Variants in GLIS3 observed in about 807,000 individuals in gnomAD.
The protein encoded by GLIS3 is GLIS family zinc finger 3, also known as zinc finger protein GLIS3.
A neutral mutation model predicts 78.6 loss-of-function variants in GLIS3; 53 were observed. That is an observed-to-expected ratio of 0.67 (90% CI 0.54 to 0.85). The LOEUF (loss-of-function observed/expected upper bound fraction) is 0.85, where lower values mean the gene tolerates loss of function less well. Among genes scored for constraint, GLIS3 ranks in the 40% least tolerant of loss-of-function variants. The pLI is 0.00. For synonymous variants in GLIS3, 684 were observed against 509.9 expected (o/e 1.34, Z -4.60); for missense variants, 1,703 against 1,231.1 (o/e 1.38, Z -5.74).
the GLIS3 span, among the ~76,000 whole-genome samples, chr9:4,370,778 A>T: frequency 1.3e-5 from 2 of 152,056 alleles, no homozygotes; most frequent in Admixed American, 1.3e-4. Context: ...TATGAAGTTC[A>T]CCCATTCTCA....
rs74747479 is a variant in GLIS3, at chr9:4,256,340, T to C, written c.388+29698A>G. ...TAAGTATGAAAGGTTAATGTTTTAA[T>C]ATTAAGTATGAAATGTTAATTTGCA... On this transcript the variant is annotated intron_variant, in intron 2 of 10. Transcript: ENST00000381971. Among the ~76,000 whole-genome samples, 1,178 of 152,330 alleles carry C rather than the reference T, an allele frequency of 7.7e-3. 16 individuals carry two copies. Among genetic ancestry groups the C allele is most frequent in the African/African-American group, 0.026 (1,083 of 41,578 alleles).
intron 2 of GLIS3, among the ~76,000 whole-genome samples, chr9:4,146,933 A>G (rs1187261830): frequency 2.6e-5 from 4 of 152,316 alleles, no homozygotes; most frequent in Non-Finnish European, 4.4e-5. Flanking sequence ...CTATCTTGCT[A>G]TTATTTCTCA....
At chr9:4,419,196 A>G in the GLIS3 span, among the ~76,000 whole-genome samples, 2 of 152,216 alleles carry the variant, frequency 1.3e-5, no homozygotes, top group South Asian at 2.1e-4. Flanking sequence ...TTCTGATTAC[A>G]TCAGGGAGAA....
chr9:4,026,638 T>C (rs148892661), intron 4 of GLIS3, among the ~76,000 whole-genome samples: 36 of 152,320 alleles, frequency 2.4e-4, no homozygotes, highest in African/African-American at 8.2e-4. Context: ...ACAGATCATT[T>C]TGTGATAAAT....
chr9:4,364,671 C>CTTATCTTT, the GLIS3 span, among the ~76,000 whole-genome samples: 2 of 137,682 alleles, frequency 1.5e-5, no homozygotes, highest in Admixed American at 1.5e-4. Context: ...TGAGATAATG[C>CTTATCTTT]TTATCTTTTT....
At chr9:4,288,767 T>C (rs1016287826) in intron 1 of GLIS3, among the ~76,000 whole-genome samples, 2 of 152,124 alleles carry the variant, frequency 1.3e-5, no homozygotes, top group African/African-American at 2.4e-5. Context: ...ATACTTAAAT[T>C]TTATTACTAA....
chr9:3,832,607 G>C (rs1391945513), intron 9 of GLIS3, among the ~76,000 whole-genome samples: 1 of 152,186 alleles, frequency 6.6e-6, no homozygotes, highest in East Asian at 1.9e-4. Flanking sequence ...TAGTTCCTTG[G>C]ACTGATCTTG....
chr9:4,317,346 C>T (rs1025962494), intron 2 of GLIS3, among the ~76,000 whole-genome samples: 1 of 152,122 alleles, frequency 6.6e-6, no homozygotes, highest in Admixed American at 6.5e-5. Flanking sequence ...AGTACTGATG[C>T]CTACCCTAAA....
chr9:4,018,639 A>G (rs891639420), intron 4 of GLIS3, among the ~76,000 whole-genome samples: 7 of 152,116 alleles, frequency 4.6e-5, no homozygotes, highest in Non-Finnish European at 1.0e-4. Flanking sequence ...TCAAAGGAGC[A>G]ATGGTTCTCA....
At chr9:4,001,611 C>G (rs540983558) in intron 4 of GLIS3, among the ~76,000 whole-genome samples, 9 of 152,238 alleles carry the variant, frequency 5.9e-5, no homozygotes, top group African/African-American at 1.9e-4. Context: ...GAAAAAAATT[C>G]CCAAGGAAGA....
At chr9:4,416,261 A>ATTT in the GLIS3 span, among the ~76,000 whole-genome samples, 3 of 147,072 alleles carry the variant, frequency 2.0e-5, no homozygotes, top group African/African-American at 5.0e-5. Flanking sequence ...TTAAAAAAAA[A>ATTT]AAAAAAAAAA....
intron 4 of GLIS3, among the ~76,000 whole-genome samples, chr9:3,990,619 T>A (rs1015898165): frequency 1.3e-5 from 2 of 152,138 alleles, no homozygotes; most frequent in African/African-American, 2.4e-5. Context: ...ATTGTGTGAA[T>A]CCCTACTTCT....
chr9:4,408,604 G>A, the GLIS3 span, among the ~76,000 whole-genome samples: 1 of 148,320 alleles, frequency 6.7e-6, no homozygotes, highest in African/African-American at 2.5e-5. Flanking sequence ...GCGGGCGCCT[G>A]TAGTCCCAGG....
Position 4,257,679 on chromosome 9 carries a change from T to C in GLIS3, c.388+28359A>G, listed in dbSNP as rs186106984. 9.6e-4 allele frequency among the ~76,000 whole-genome samples: 146 copies of C among 152,030 alleles called. 2 individuals are homozygous for C. In the East Asian group the frequency reaches 0.022, roughly 23 times the overall value. On this transcript the variant is annotated intron_variant, in intron 2 of 10. Coordinates refer to ENST00000381971, the MANE Select transcript of GLIS3 (RefSeq NM_001042413.2). The stretch of plus-strand genomic sequence containing the variant: ...AGCTCCGCCTCCCGGGTTCAGGCCA[T>C]TCCCCTGCCTCAGCCTCCCAAGTAG...
rs10081745 is a variant in GLIS3 at position 3,900,644 on chromosome 9, G to A, written c.1984-1809C>T. Among the ~76,000 whole-genome samples, 273 of 152,040 alleles carry A rather than the reference G, an allele frequency of 1.8e-3. 1 individual carries two copies. Among genetic ancestry groups the A allele is most frequent in the African/African-American group, 6.3e-3 (262 of 41,462 alleles). On this transcript the variant is annotated intron_variant, in intron 6 of 10. Transcript: ENST00000381971. ...GGACTATTATGCAACCATTAAAATG[G>A]TATTCATGAACATAAAAGCAAAACT...
At chr9:3,933,455 C>A (rs181094623) in intron 5 of GLIS3, among the ~76,000 whole-genome samples, 1 of 152,150 alleles carries the variant, frequency 6.6e-6, no homozygotes, top group Non-Finnish European at 1.5e-5. Flanking sequence ...TTAAACTTAT[C>A]AAAAGTTTGA....
chr9:4,286,602 C>T (rs1587313445), intron 1 of GLIS3, 79 bp from the exon 2 acceptor site: 2 of 731,928 alleles, frequency 2.7e-6, no homozygotes, highest in East Asian at 5.4e-5. Flanking sequence ...ACCTGTGTAT[C>T]ATTCATAAGG....
At chr9:4,293,324 G>C (rs17802846) in intron 1 of GLIS3, among the ~76,000 whole-genome samples, 29,752 of 152,132 alleles carry the variant, frequency 0.2, 3,486 homozygotes, top group Non-Finnish European at 0.27. Flanking sequence ...ATGTAACTGA[G>C]TGATATTTTT....
chr9:3,956,149 T>C (rs906722796), intron 4 of GLIS3, among the ~76,000 whole-genome samples: 2 of 152,042 alleles, frequency 1.3e-5, no homozygotes, highest in African/African-American at 4.8e-5. Context: ...TGGTCATTTA[T>C]AAGCTGACTT....
Sources: allele counts gnomAD v4.1 joint callset (sites outside exome capture counted in the v4.1 genomes callset), GRCh38; gene constraint gnomAD v4.1.1; transcripts MANE v1.5; gene names NCBI Gene and HGNC (gene_info 2026-07-23, HGNC 2026-07-21).